LARGE1: variants seen among roughly 807,000 people sequenced by gnomAD.
LARGE1 encodes the protein LARGE xylosyl- and glucuronyltransferase 1.
A neutral mutation model predicts 87.6 loss-of-function variants in LARGE1; 43 were observed. The observed-to-expected ratio is 0.49, with a 90% CI of 0.38 to 0.63. LARGE1 has a LOEUF of 0.63. Ranked by LOEUF, LARGE1 falls within the 30% of genes least tolerant of loss-of-function variation. The pLI, the probability that LARGE1 is intolerant of heterozygous loss-of-function variation, is 0.00. For missense variants in LARGE1, 802 were observed against 1,000.2 expected, an observed-to-expected ratio of 0.80 and a Z score of 2.67; for synonymous variants, 434 against 394.6, an observed-to-expected ratio of 1.10 and a Z score of -1.18.
At chr22:33,342,586 G>A (rs1601523368) in intron 9 of LARGE1, among the ~76,000 whole-genome samples, 1 of 152,170 alleles carries the variant, frequency 6.6e-6, no homozygotes, top group East Asian at 1.9e-4. Context: ...CAGATGAGGA[G>A]AGTGAAATTT....
intron 2 of LARGE1, among the ~76,000 whole-genome samples, chr22:33,652,289 T>A (rs76995327): frequency 1.3e-5 from 2 of 152,110 alleles, no homozygotes; most frequent in East Asian, 3.8e-4. Flanking sequence ...CCCAGGTCTC[T>A]CTGATATCTG....
chr22:33,602,918 C>T (rs2079149624), intron 5 of LARGE1, among the ~76,000 whole-genome samples: 1 of 152,198 alleles, frequency 6.6e-6, no homozygotes, highest in Non-Finnish European at 1.5e-5. Context: ...GCAGAGGCAT[C>T]CTTCGGAACC....
exon 12 of LARGE1, chr22:33,164,127 T>A (rs1423770440): frequency 1.3e-5 from 2 of 152,222 alleles, no homozygotes; most frequent in East Asian, 1.9e-4. Context: ...CTTGGGATTG[T>A]GAGTTTGCTG....
At chr22:33,436,245 A>G (rs951389873) in intron 6 of LARGE1, among the ~76,000 whole-genome samples, 7 of 152,184 alleles carry the variant, frequency 4.6e-5, no homozygotes, top group Non-Finnish European at 7.4e-5. Context: ...ATGACTTCAT[A>G]CATGTTAAGT....
chr22:33,716,703 C>A (rs1220401972), intron 2 of LARGE1, among the ~76,000 whole-genome samples: 1 of 152,154 alleles, frequency 6.6e-6, no homozygotes, highest in Non-Finnish European at 1.5e-5. Context: ...CCTGGCCACC[C>A]CCAAAATATT....
chr22:33,361,643 A>T (rs905309505), intron 9 of LARGE1, among the ~76,000 whole-genome samples: 1 of 149,000 alleles, frequency 6.7e-6, no homozygotes, highest in Non-Finnish European at 1.5e-5. Context: ...GGGAGTTTGG[A>T]TATCAAGATT....
chr22:33,920,595 G>A (rs1477548382), upstream of LARGE1, among the ~76,000 whole-genome samples: 2 of 145,144 alleles, frequency 1.4e-5, no homozygotes, highest in South Asian at 2.1e-4. Flanking sequence ...GCCGGAAAAG[G>A]CCTCGCCCCG....
At position 33,905,043 on chromosome 22, in the gene LARGE1, A is replaced by C. The variant is rs551730150; in HGVS notation, c.-83+14952T>G. On this transcript the variant is annotated intron_variant, in intron 1 of 14. Coordinates refer to ENST00000397394, the MANE Select transcript of LARGE1 (RefSeq NM_133642.5). Reference sequence around the variant, plus strand: ...AGACAGAATAGTACAGAGGTATTTAAGTTTTTTTTTTTTAATTCCTTTTTT... The same window carrying C: ...AGACAGAATAGTACAGAGGTATTTACGTTTTTTTTTTTTAATTCCTTTTTT... Among the ~76,000 whole-genome samples, 16 of 132,858 alleles carry C rather than the reference A, an allele frequency of 1.2e-4. No homozygotes were observed. The South Asian group carries it at 3.6e-3, about 30-fold the overall frequency. 87.2% of individuals were successfully genotyped at this position (132,858 alleles called of 152,430 possible).
chr22:33,329,432 T>TG (rs1355455841), intron 10 of LARGE1, among the ~76,000 whole-genome samples: 1 of 152,048 alleles, frequency 6.6e-6, no homozygotes, highest in Non-Finnish European at 1.5e-5. Context: ...TGGGTTTTTT[T>TG]TTTGTGGGGG....
At chr22:33,441,770 C>G (rs1010228613) in intron 6 of LARGE1, among the ~76,000 whole-genome samples, 4 of 152,192 alleles carry the variant, frequency 2.6e-5, no homozygotes, top group Admixed American at 2.6e-4. Context: ...ATCGAGTAAA[C>G]TCTCAGTTCT....
chr22:33,311,117 T>A (rs1935543381), intron 11 of LARGE1, among the ~76,000 whole-genome samples: 1 of 152,050 alleles, frequency 6.6e-6, no homozygotes, highest in Non-Finnish European at 1.5e-5. Context: ...CCCGCCACCA[T>A]GCCAGGCTAA....
At chr22:33,915,728 A>G in intron 1 of LARGE1, among the ~76,000 whole-genome samples, 1 of 152,222 alleles carries the variant, frequency 6.6e-6, no homozygotes, top group Non-Finnish European at 1.5e-5. Context: ...ATTTGAATAC[A>G]CAGAGCAAGA....
chr22:33,558,431 T>C (rs367586788), intron 6 of LARGE1, among the ~76,000 whole-genome samples: 59 of 152,202 alleles, frequency 3.9e-4, no homozygotes, highest in Admixed American at 8.5e-4. Context: ...ACACGCAAGG[T>C]CCAAGTGTCC....
intron 1 of LARGE1, among the ~76,000 whole-genome samples, chr22:33,886,664 A>T (rs60778695): frequency 6.9e-6 from 1 of 145,890 alleles, no homozygotes; most frequent in African/African-American, 2.6e-5. Context: ...GCCAAAAAAA[A>T]AAAAAAAAAA....
chr22:33,093,295 C>T, the LARGE1 span, among the ~76,000 whole-genome samples: 1 of 152,180 alleles, frequency 6.6e-6, no homozygotes, highest in African/African-American at 2.4e-5. Context: ...AAAGGCTTCT[C>T]CATTGCCCTC....
intron 9 of LARGE1, among the ~76,000 whole-genome samples, chr22:33,348,288 C>A (rs1228869592): frequency 1.3e-4 from 17 of 134,002 alleles, no homozygotes; most frequent in Admixed American, 2.2e-4. Context: ...CCACCCCCCC[C>A]CAAAAAAAAA....
At chr22:33,316,597 C>T (rs764176249) in intron 10 of LARGE1, among the ~76,000 whole-genome samples, 7 of 151,982 alleles carry the variant, frequency 4.6e-5, no homozygotes, top group East Asian at 1.9e-4. Context: ...AAAAATTAGC[C>T]GGACATGGAG....
chr22:33,846,778 T>A (rs1395467011), intron 1 of LARGE1, among the ~76,000 whole-genome samples: 2 of 152,176 alleles, frequency 1.3e-5, no homozygotes, highest in Non-Finnish European at 2.9e-5. Flanking sequence ...CCCATAGCGC[T>A]CCCAGGCTTA....
chr22:33,327,934 C>G (rs1171282363), intron 10 of LARGE1, among the ~76,000 whole-genome samples: 1 of 152,082 alleles, frequency 6.6e-6, no homozygotes, highest in African/African-American at 2.4e-5. Flanking sequence ...ATTTGTTCAA[C>G]AAGATTTATT....
Sources: allele counts gnomAD v4.1 joint callset (sites outside exome capture counted in the v4.1 genomes callset), GRCh38; gene constraint gnomAD v4.1.1; transcripts MANE v1.5; gene names NCBI Gene and HGNC (gene_info 2026-07-23, HGNC 2026-07-21).